CEP83: variants seen among roughly 807,000 people sequenced by gnomAD.
CEP83 encodes the protein centrosomal protein of 83 kDa.
In CEP83, 70 loss-of-function variants were observed where a neutral mutation model predicts 101.9. That is an observed-to-expected ratio of 0.69 (90% CI 0.57 to 0.84). CEP83 has a LOEUF of 0.84. CEP83 is among the 40% of genes least tolerant of loss of function. The pLI is 0.00. For missense variants in CEP83, 715 were observed against 787.2 expected, an observed-to-expected ratio of 0.91 and a Z score of 1.10; for synonymous variants, 264 against 267.9, an observed-to-expected ratio of 0.99 and a Z score of 0.14.
chr12:94,372,713 T>C (rs925748342), intron 8 of CEP83, among the ~76,000 whole-genome samples: 27 of 152,194 alleles, frequency 1.8e-4, no homozygotes, highest in Admixed American at 3.3e-4. Context: ...TAAACTACAA[T>C]TATTGAAACT....
At chr12:94,426,121 CA>C (rs202127826) in intron 2 of CEP83, among the ~76,000 whole-genome samples, 9,731 of 120,984 alleles carry the variant, frequency 0.08, 351 homozygotes, top group Middle Eastern at 0.13. Context: ...AACTCCGTCT[CA>C]AAAAAAAAAA....
intron 14 of CEP83, among the ~76,000 whole-genome samples, chr12:94,315,525 G>C (rs904102344): frequency 1.3e-5 from 2 of 152,150 alleles, no homozygotes; most frequent in South Asian, 2.1e-4. Context: ...TCTCCAGCCT[G>C]TGGTGTCATT....
At chr12:94,321,312 A>C (rs545306947) in intron 14 of CEP83, among the ~76,000 whole-genome samples, 7 of 152,110 alleles carry the variant, frequency 4.6e-5, no homozygotes, top group Admixed American at 4.6e-4. Context: ...GGGTTTTGCC[A>C]TTCTCCTGAA....
intron 7 of CEP83, among the ~76,000 whole-genome samples, chr12:94,377,463 A>G (rs1434449753): frequency 6.6e-6 from 1 of 152,208 alleles, no homozygotes; most frequent in South Asian, 2.1e-4. Context: ...AACCACCTTA[A>G]GTTGGGGAAC....
chr12:94,388,064 A>G (rs2062261614), intron 6 of CEP83, among the ~76,000 whole-genome samples: 1 of 152,230 alleles, frequency 6.6e-6, no homozygotes, highest in African/African-American at 2.4e-5. Context: ...CATTCCAGCA[A>G]TCCCATTACT....
chr12:94,294,499 C>CCA, the CEP83 span: 1 of 1,315,284 alleles, frequency 7.6e-7, no homozygotes, highest in African/African-American at 1.5e-5. Flanking sequence ...TCAAATGGAT[C>CCA]CACTATAAAA....
intron 12 of CEP83, 111 bp from the exon 13 acceptor site, chr12:94,333,750 G>C: frequency 1.0e-6 from 1 of 986,076 alleles, no homozygotes; most frequent in Non-Finnish European, 1.5e-6. Context: ...CCTCAAGCTG[G>C]TGTGTCCTTG....
At chr12:94,314,261 A>C (rs1475078231) in intron 14 of CEP83, among the ~76,000 whole-genome samples, 2 of 152,218 alleles carry the variant, frequency 1.3e-5, no homozygotes, top group Non-Finnish European at 2.9e-5. Flanking sequence ...TGCATAGAAT[A>C]GAAACGTAAA....
chr12:94,412,381 T>G lies in CEP83; in HGVS notation c.110A>C (p.Asp37Ala). The G allele has an allele frequency of 2.5e-6, 4 of 1,613,166 alleles. No homozygotes were observed. Among genetic ancestry groups the G allele is most frequent in the Non-Finnish European group, 3.4e-6 (4 of 1,179,530 alleles). The change falls in exon 3 of 17, where the codon GAT (aspartate) becomes GCT (alanine). Residue 37 changes from aspartate (D) to alanine (A), a missense_variant. Physicochemically the swap from Asp to Ala is moderately radical, Grantham distance 126 (BLOSUM62 -2). Coordinates refer to ENST00000397809, the MANE Select transcript of CEP83 (RefSeq NM_016122.3). ...SQSEFQKMLI[D>A]ERLRCEHHKA... ...ATGATGCTCACATCGTAACCTTTCA[T>G]CAATTAACATTTTCTGGAACTCCGA...
intron 8 of CEP83, among the ~76,000 whole-genome samples, chr12:94,373,281 T>C (rs2061384150): frequency 6.6e-6 from 1 of 152,214 alleles, no homozygotes; most frequent in South Asian, 2.1e-4. Context: ...CTTTATGTTT[T>C]GACACAATGG....
intron 1 of CEP83, among the ~76,000 whole-genome samples, chr12:94,436,334 A>T (rs1566201909): frequency 6.6e-6 from 1 of 152,032 alleles, no homozygotes; most frequent in African/African-American, 2.4e-5. Context: ...ATAAAAAAAA[A>T]AATAAAAAAC....
chr12:94,434,984 T>C (rs2065891125), intron 2 of CEP83, among the ~76,000 whole-genome samples: 1 of 152,228 alleles, frequency 6.6e-6, no homozygotes, highest in African/African-American at 2.4e-5. Flanking sequence ...AGCATTATAC[T>C]AGTCCCTTCA....
intron 1 of CEP83, among the ~76,000 whole-genome samples, chr12:94,454,901 G>A (rs1372182990): frequency 6.6e-6 from 1 of 150,818 alleles, no homozygotes; most frequent in Admixed American, 6.6e-5. Context: ...AACTCCGGAC[G>A]CGCCACCTTT....
At chr12:94,376,736 T>C (rs201800430) in intron 7 of CEP83, among the ~76,000 whole-genome samples, 7,193 of 98,630 alleles carry the variant, frequency 0.073, 189 homozygotes, top group African/African-American at 0.093. Context: ...CACACACATA[T>C]ATATATATAT....
intron 10 of CEP83, 43 bp downstream of exon 10, chr12:94,368,014 T>G (rs373035671): frequency 1.6e-5 from 26 of 1,605,134 alleles, no homozygotes; most frequent in Non-Finnish European, 2.1e-5. Flanking sequence ...ATGTTTTCAT[T>G]TGCAAGGATA....
chr12:94,286,418 G>A, the CEP83 span, among the ~76,000 whole-genome samples: 4 of 152,010 alleles, frequency 2.6e-5, no homozygotes, highest in African/African-American at 9.7e-5. Context: ...ATCTATATTT[G>A]ATTAAGCAGC....
Position 94,403,253 on chromosome 12 carries a change from G to T in CEP83, c.334C>A (p.Pro112Thr). 6.9e-7 allele frequency: 1 copy of T among 1,449,448 alleles called. No homozygotes were observed. 89.8% of individuals were successfully genotyped at this position (1,449,448 alleles called of 1,614,324 possible). Reference protein sequence around the residue: ...LEEMKLQILTPQKLELLRAQI... With the variant: ...LEEMKLQILTTQKLELLRAQI... ...GCTCTTAGCAATTCCAATTTTTGTGGAGTTAATATCTAATATGTAGAGAAA... is the reference window on the plus strand; with the variant it reads ...GCTCTTAGCAATTCCAATTTTTGTGTAGTTAATATCTAATATGTAGAGAAA... Residue 112 changes from proline (P) to threonine (T), a missense_variant, in exon 5 of 17, where the codon CCA becomes ACA. By Grantham distance (38) the Pro-to-Thr change is conservative. Coordinates refer to ENST00000397809, the MANE Select transcript of CEP83 (RefSeq NM_016122.3).
chr12:94,432,115 C>T (rs1173807792), intron 2 of CEP83, among the ~76,000 whole-genome samples: 6 of 150,972 alleles, frequency 4.0e-5, no homozygotes, highest in East Asian at 3.9e-4. Context: ...AGTGCAGTGG[C>T]GCGATCTCAG....
chr12:94,365,193 G>A (rs1026452114), intron 11 of CEP83, among the ~76,000 whole-genome samples: 17 of 151,972 alleles, frequency 1.1e-4, no homozygotes, highest in Non-Finnish European at 1.6e-4. Flanking sequence ...AAGTATAATA[G>A]GGAAAGACAA....
Sources: gnomAD v4.1 joint callset for allele counts (sites outside exome capture counted in the v4.1 genomes callset) on GRCh38, gnomAD v4.1.1 for gene constraint, MANE v1.5 for transcripts, NCBI Gene and HGNC (gene_info 2026-07-23, HGNC 2026-07-21) for gene names.